Variants in ADGRV1 observed in about 807,000 individuals in gnomAD.
The protein encoded by ADGRV1 is G-protein coupled receptor 98.
A neutral mutation model predicts 596.2 loss-of-function variants in ADGRV1; 359 were observed. The ratio of observed to expected loss-of-function variants is 0.60; its 90% confidence interval spans 0.55 to 0.66. The LOEUF (loss-of-function observed/expected upper bound fraction) is 0.66, where lower values mean the gene tolerates loss of function less well. Ranked by LOEUF, ADGRV1 falls within the 30% of genes least tolerant of loss-of-function variation. The probability of loss-of-function intolerance (pLI) is 0.00; values close to 1 mark genes in which losing one functional copy is unlikely to be tolerated. For synonymous variants in ADGRV1, 2,681 were observed against 2,679.2 expected (o/e 1.00, Z -0.02); for missense variants, 7,274 against 7,575.6 (o/e 0.96, Z 1.48).
intron 22 of ADGRV1, among the ~76,000 whole-genome samples, chr5:90,673,470 C>T (rs948826965): frequency 2.0e-5 from 3 of 152,166 alleles, no homozygotes; most frequent in Admixed American, 6.5e-5. Context: ...CAGCACCTGC[C>T]TTAGTCTGTT....
chr5:90,947,994 G>A (rs1776739994), intron 83 of ADGRV1, among the ~76,000 whole-genome samples: 1 of 152,096 alleles, frequency 6.6e-6, no homozygotes, highest in Non-Finnish European at 1.5e-5. Flanking sequence ...AGACTTCCCA[G>A]GAGAACTCAG....
intron 87 of ADGRV1, among the ~76,000 whole-genome samples, chr5:91,124,344 CA>C (rs1290790704): frequency 6.6e-6 from 1 of 152,086 alleles, no homozygotes; most frequent in Admixed American, 6.6e-5. Flanking sequence ...TCTCCAAAAT[CA>C]CCACAAAATA....
chr5:90,735,130 C>T (rs1318612426), intron 50 of ADGRV1, among the ~76,000 whole-genome samples: 1 of 152,190 alleles, frequency 6.6e-6, no homozygotes, highest in Non-Finnish European at 1.5e-5. Flanking sequence ...GGGATATTCC[C>T]CGTTTTCACT....
chr5:91,038,142 A>G lies in ADGRV1; in HGVS notation c.18153-34305A>G, dbSNP rs915940712. 2.0e-5 allele frequency among the ~76,000 whole-genome samples: 3 copies of G among 152,146 alleles called. No individual in the cohort carries two copies. In the East Asian group the frequency reaches 5.8e-4, roughly 29 times the overall value. Reference sequence around the variant, plus strand: ...TACTTCACCTGTGGTAGGAATTGTCAGGTGAAGAGTAGGGAAAACAATATT... The same window carrying G: ...TACTTCACCTGTGGTAGGAATTGTCGGGTGAAGAGTAGGGAAAACAATATT... On this transcript the variant is annotated intron_variant, in intron 85 of 89. Coordinates refer to ENST00000405460, the MANE Select transcript of ADGRV1 (RefSeq NM_032119.4).
chr5:90,988,622 C>T (rs914656684), intron 85 of ADGRV1, among the ~76,000 whole-genome samples: 2 of 151,602 alleles, frequency 1.3e-5, no homozygotes, highest in African/African-American at 4.8e-5. Flanking sequence ...ATATCTTTAC[C>T]AGAGTGACAC....
chr5:90,768,366 T>C (rs150981913), intron 59 of ADGRV1, among the ~76,000 whole-genome samples: 7 of 152,278 alleles, frequency 4.6e-5, no homozygotes, highest in Admixed American at 3.9e-4. Flanking sequence ...GGTTCTAATT[T>C]GGTTTTGAGG....
chr5:90,947,506 T>G (rs1213499589), intron 83 of ADGRV1, among the ~76,000 whole-genome samples: 2 of 152,144 alleles, frequency 1.3e-5, no homozygotes, highest in Non-Finnish European at 2.9e-5. Context: ...ATGAAATCCT[T>G]GATGAGTGGA....
chr5:91,117,153 C>A (rs1403240024), intron 87 of ADGRV1, among the ~76,000 whole-genome samples: 1 of 151,986 alleles, frequency 6.6e-6, no homozygotes, highest in Non-Finnish European at 1.5e-5. Flanking sequence ...TCAGAGTATT[C>A]CTCATAGCAC....
At chr5:90,645,180 G>A (rs1767560054) in intron 15 of ADGRV1, among the ~76,000 whole-genome samples, 1 of 152,206 alleles carries the variant, frequency 6.6e-6, no homozygotes, top group South Asian at 2.1e-4. Flanking sequence ...TCTATCAAGT[G>A]TCCTGTGGTG....
At position 90,664,324 on chromosome 5, in the gene ADGRV1, T is replaced by C. The variant is rs897759012; in HGVS notation, c.4752+6046T>C. ...TTTGTAGTTCTCCTTGAAGAGGTCC[T>C]TCACATCCTTTGTAAGTTGGATTCC... On this transcript the variant is annotated intron_variant, in intron 21 of 89. Coordinates refer to ENST00000405460, the MANE Select transcript of ADGRV1 (RefSeq NM_032119.4). Among the ~76,000 whole-genome samples the C allele has an allele frequency of 3.0e-3, 450 of 150,374 alleles. 1 individual carries two copies. The highest frequency in any genetic ancestry group is 7.4e-3 in the South Asian group (35 of 4,728).
At chr5:90,997,109 G>T (rs1444128941) in intron 85 of ADGRV1, among the ~76,000 whole-genome samples, 9 of 152,210 alleles carry the variant, frequency 5.9e-5, no homozygotes, top group Non-Finnish European at 1.2e-4. Context: ...TTTGGGGGCT[G>T]TTGAGAAGAT....
At chr5:90,986,669 T>TATA (rs113090381) in intron 85 of ADGRV1, among the ~76,000 whole-genome samples, 37,265 of 151,944 alleles carry the variant, frequency 0.25, 5,006 homozygotes, top group East Asian at 0.38. Context: ...CTGATTATTT[T>TATA]ATATTATAAT....
chr5:90,756,363 A>T, intron 55 of ADGRV1, 91 bp from the exon 56 acceptor site: 1 of 856,772 alleles, frequency 1.2e-6, no homozygotes, highest in East Asian at 2.5e-5. Context: ...AACAAAGTCA[A>T]TTATTTCCTT....
At chr5:91,008,605 G>A (rs1782477520) in intron 85 of ADGRV1, among the ~76,000 whole-genome samples, 1 of 152,082 alleles carries the variant, frequency 6.6e-6, no homozygotes, top group Non-Finnish European at 1.5e-5. Context: ...CCAGGTTCAA[G>A]TGATTCTTGT....
intron 76 of ADGRV1, among the ~76,000 whole-genome samples, chr5:90,824,155 T>G (rs1763864729): frequency 6.6e-6 from 1 of 152,234 alleles, no homozygotes; most frequent in Non-Finnish European, 1.5e-5. Context: ...CAAATAATTT[T>G]TATTACTTAC....
Position 90,791,557 on chromosome 5 carries a change from G to A in ADGRV1, c.14517+211G>A, listed in dbSNP as rs145876493. On this transcript the variant is annotated intron_variant, in intron 70 of 89. Transcript: ENST00000405460. ...TTGGATGGAGATAATAGATTTTTGTGTAGAAAGTAACAGACACTTATTTAA... is the reference window on the plus strand; with the variant it reads ...TTGGATGGAGATAATAGATTTTTGTATAGAAAGTAACAGACACTTATTTAA... The A allele has an allele frequency of 5.5e-4, 294 of 536,852 alleles. 2 individuals are homozygous for A. Among genetic ancestry groups the A allele is most frequent in the African/African-American group, 4.4e-3 (235 of 53,060 alleles). 33.3% of individuals were successfully genotyped at this position (536,852 alleles called of 1,614,324 possible). A position where few individuals can be genotyped will look rare whatever the true frequency, so the allele number is the denominator to read the frequency against.
chr5:90,647,515 G>A lies in ADGRV1; in HGVS notation c.3040G>A (p.Val1014Ile). 6.2e-7 allele frequency: 1 copy of A among 1,613,076 alleles called. No homozygotes were observed. The highest frequency in any genetic ancestry group is 8.5e-7 in the Non-Finnish European group (1 of 1,179,248). Residue 1014 changes from valine (V) to isoleucine (I), a missense_variant, in exon 17 of 90, where the codon GTT becomes ATT. Val to Ile is a conservative substitution (Grantham distance 29). Around this residue, in one of 5 missense-constraint regions of ADGRV1, gnomAD observed 1,715 missense variants for 1,708.8 expected, o/e 1.00. Transcript: ENST00000405460. Reference protein sequence around the residue: ...IYFAEPRVVRVQEGETANFTV... With the variant: ...IYFAEPRVVRIQEGETANFTV... The stretch of plus-strand genomic sequence containing the variant: ...TATTTCAGAACCTCGTGTAGTGAGG[G>A]TTCAGGAAGGTGAGACTGCCAACTT...
intron 78 of ADGRV1, among the ~76,000 whole-genome samples, chr5:90,844,363 A>G (rs1005770693): frequency 7.2e-5 from 11 of 152,192 alleles, no homozygotes; most frequent in Admixed American, 6.5e-5. Flanking sequence ...AAAGATCTCA[A>G]TAAATCTTAA....
chr5:91,145,197 G>GAA (rs112688917), intron 87 of ADGRV1, among the ~76,000 whole-genome samples: 1 of 150,922 alleles, frequency 6.6e-6, no homozygotes, highest in East Asian at 1.9e-4. Flanking sequence ...ATGCTTTTAA[G>GAA]AAAAAAAAAC....
Sources: allele counts gnomAD v4.1 joint callset (sites outside exome capture counted in the v4.1 genomes callset), GRCh38; gene constraint gnomAD v4.1.1; regional missense constraint gnomAD v4.1.1; transcripts MANE v1.5; gene names NCBI Gene and HGNC (gene_info 2026-07-23, HGNC 2026-07-21).